Variants in EYS observed in about 807,000 individuals in gnomAD.
EYS encodes EGF-like photoreceptor maintenance factor, also known as protein eyes shut homolog.
Under a neutral mutation model 282.1 loss-of-function variants are expected in EYS, and 250 were observed. The observed-to-expected ratio is 0.89, with a 90% CI of 0.80 to 0.98. The LOEUF is 0.98. EYS is among the 50% of genes least tolerant of loss of function. EYS has a pLI of 0.00. For synonymous variants in EYS, 1,355 were observed against 1,282.9 expected (o/e 1.06, Z -1.20); for missense variants, 4,016 against 3,709.0 (o/e 1.08, Z -2.15).
At chr6:65,377,459 AAAGAAATAGAGAAGC>A (rs1325676539) in intron 8 of EYS, among the ~76,000 whole-genome samples, 2 of 152,202 alleles carry the variant, frequency 1.3e-5, no homozygotes, top group African/African-American at 4.8e-5. Context: ...ATCACAATTA[AAAGAAATAGAGAAGC>A]AAGAGCAAAC....
At chr6:64,129,345 G>A (rs978151601) in intron 31 of EYS, among the ~76,000 whole-genome samples, 2 of 152,054 alleles carry the variant, frequency 1.3e-5, no homozygotes, top group Admixed American at 6.5e-5. Context: ...GTCTCATTGT[G>A]GTTTTGATTT....
In EYS at chr6:64,055,468, A is replaced by G. The variant is rs375079594; in HGVS notation, c.6725+10870T>C. Among the ~76,000 whole-genome samples the G allele has an allele frequency of 2.0e-5, 3 of 152,296 alleles. No individual in the cohort carries two copies. In the South Asian group the frequency reaches 6.2e-4, roughly 32 times the overall value. On this transcript the variant is annotated intron_variant, in intron 33 of 42. Transcript: ENST00000503581. The stretch of plus-strand genomic sequence containing the variant: ...AACATGTAAGATCCTTTGTAGTTAT[A>G]CAAAGAGTGCTTTGCTTCCTCACTT...
At chr6:65,012,765 C>T (rs1771914017) in intron 13 of EYS, among the ~76,000 whole-genome samples, 2 of 144,842 alleles carry the variant, frequency 1.4e-5, no homozygotes, top group African/African-American at 5.2e-5. Context: ...AGCAATAAAA[C>T]TGTACCAAAA....
At chr6:63,834,419 A>G (rs1283602540) in intron 36 of EYS, among the ~76,000 whole-genome samples, 2 of 152,204 alleles carry the variant, frequency 1.3e-5, no homozygotes, top group Non-Finnish European at 2.9e-5. Flanking sequence ...TCTCAAAAGA[A>G]GACATTCATA....
chr6:65,486,681 G>T (rs529253688), intron 5 of EYS, among the ~76,000 whole-genome samples: 44 of 152,184 alleles, frequency 2.9e-4, no homozygotes, highest in African/African-American at 1.1e-3. Flanking sequence ...AAATTTCAAG[G>T]ATAAACTTAC....
In EYS at chr6:64,902,123, G is replaced by A. The variant is rs981685069; in HGVS notation, c.2836C>T (p.Leu946=). 1.9e-5 allele frequency: 30 copies of A among 1,541,516 alleles called. No individual in the cohort carries two copies. Among genetic ancestry groups the A allele is most frequent in the Non-Finnish European group, 2.6e-5 (30 of 1,142,550 alleles). ...PCKNNGTCVD[L]TNRFFCNCEP... ...AAAGTAGCTTCTCACCTGTTTGTCA[G>A]ATCCACACATGTTCCATTATTTTTG... Residue 946 remains leucine, a synonymous_variant, in exon 18 of 43, where the codon CTG becomes TTG. Transcript: ENST00000503581.
chr6:63,948,346 T>C (rs1303756724), intron 35 of EYS, among the ~76,000 whole-genome samples: 1 of 152,232 alleles, frequency 6.6e-6, no homozygotes, highest in African/African-American at 2.4e-5. Flanking sequence ...TATCTTTGCC[T>C]TTTGTGCACT....
chr6:63,817,878 C>T (rs368434171), intron 36 of EYS, among the ~76,000 whole-genome samples: 22 of 152,234 alleles, frequency 1.4e-4, no homozygotes, highest in Admixed American at 3.3e-4. Flanking sequence ...GGTGGGCCTG[C>T]GGTCAGGAGC....
At chr6:63,879,790 A>T (rs560517144) in intron 35 of EYS, among the ~76,000 whole-genome samples, 78 of 152,226 alleles carry the variant, frequency 5.1e-4, no homozygotes, top group African/African-American at 1.8e-3. Flanking sequence ...GATGATGATG[A>T]TGATTCATTA....
intron 2 of EYS, among the ~76,000 whole-genome samples, chr6:65,570,568 T>C (rs1319899690): frequency 6.6e-6 from 1 of 152,112 alleles, no homozygotes; most frequent in African/African-American, 2.4e-5. Context: ...TTGCTTGAAC[T>C]GGGGGTGAGA....
chr6:64,725,315 C>T (rs914749410), intron 22 of EYS, among the ~76,000 whole-genome samples: 5 of 151,974 alleles, frequency 3.3e-5, no homozygotes, highest in African/African-American at 1.2e-4. Context: ...TCATTCATTC[C>T]ACTCATTGAG....
chr6:65,144,813 G>T (rs1389874205), intron 12 of EYS, among the ~76,000 whole-genome samples: 2 of 150,866 alleles, frequency 1.3e-5, no homozygotes, highest in African/African-American at 4.9e-5. Context: ...CAGGCTGGAT[G>T]GAGTGCAGTG....
chr6:65,319,255 C>T (rs945366009), intron 11 of EYS, among the ~76,000 whole-genome samples: 12 of 148,368 alleles, frequency 8.1e-5, no homozygotes, highest in Non-Finnish European at 1.6e-4. Context: ...TGGCACATGC[C>T]TGTAATCCCA....
intron 31 of EYS, among the ~76,000 whole-genome samples, chr6:64,124,300 G>A (rs896931644): frequency 6.6e-6 from 1 of 152,006 alleles, no homozygotes; most frequent in African/African-American, 2.4e-5. Flanking sequence ...TCCACGTTCT[G>A]GCCTTTTCTT....
chr6:63,795,144 G>A (rs1770612798), intron 37 of EYS, among the ~76,000 whole-genome samples: 1 of 152,200 alleles, frequency 6.6e-6, no homozygotes, highest in Non-Finnish European at 1.5e-5. Flanking sequence ...ATTAAGCAGT[G>A]AGTTTCAAAG....
chr6:64,030,840 G>A (rs1022434776), intron 33 of EYS, among the ~76,000 whole-genome samples: 8 of 152,172 alleles, frequency 5.3e-5, no homozygotes, highest in African/African-American at 9.6e-5. Flanking sequence ...CTGGACCAAC[G>A]CGCTGGCACT....
intron 12 of EYS, among the ~76,000 whole-genome samples, chr6:65,275,858 A>T (rs549751289): frequency 6.6e-6 from 1 of 152,204 alleles, no homozygotes; most frequent in Non-Finnish European, 1.5e-5. Context: ...TTAATAAAAT[A>T]GAAAATTACT....
chr6:65,440,805 G>A (rs968100811), intron 5 of EYS, among the ~76,000 whole-genome samples: 6 of 147,778 alleles, frequency 4.1e-5, no homozygotes, highest in African/African-American at 1.5e-4. Context: ...TACAGTTTTA[G>A]TAACCTGACT....
At chr6:65,407,743 CCGTGTGTGTG>C (rs1203834334) in intron 5 of EYS, among the ~76,000 whole-genome samples, 4 of 98,768 alleles carry the variant, frequency 4.0e-5, no homozygotes, top group East Asian at 5.7e-4. Flanking sequence ...ACTAATAAGT[CCGTGTGTGTG>C]TGTGTGTGTG....
Sources: allele counts gnomAD v4.1 joint callset (sites outside exome capture counted in the v4.1 genomes callset), GRCh38; gene constraint gnomAD v4.1.1; transcripts MANE v1.5; gene names NCBI Gene and HGNC (gene_info 2026-07-23, HGNC 2026-07-21).